HNRNPUL1: variants seen among roughly 807,000 people sequenced by gnomAD.
HNRNPUL1 encodes the protein heterogeneous nuclear ribonucleoprotein U like 1, also known as heterogeneous nuclear ribonucleoprotein U-like protein 1.
HNRNPUL1 carries 14 observed loss-of-function variants against 108.5 expected under a neutral mutation model. The ratio of observed to expected loss-of-function variants is 0.13; its 90% CI spans 0.09 to 0.20. The LOEUF is 0.20. Ranked by LOEUF, HNRNPUL1 falls within the 10% of genes least tolerant of loss-of-function variation. The pLI, the probability that HNRNPUL1 is intolerant of heterozygous loss-of-function variation, is 1.00. For missense variants in HNRNPUL1, 804 were observed against 1,168.3 expected, an observed-to-expected ratio of 0.69 and a Z score of 4.55; for synonymous variants, 422 against 445.2, an observed-to-expected ratio of 0.95 and a Z score of 0.66.
chr19:41,271,927 G>C (rs763686567), intron 2 of HNRNPUL1, among the ~76,000 whole-genome samples, 155 bp from the exon 3 acceptor site: 2 of 152,170 alleles, frequency 1.3e-5, no homozygotes, highest in Non-Finnish European at 2.9e-5. Flanking sequence ...GGCTGGCTCA[G>C]CAGGCTTCTG....
At chr19:41,286,124 A>G (rs2036209716) in intron 7 of HNRNPUL1, among the ~76,000 whole-genome samples, 1 of 152,130 alleles carries the variant, frequency 6.6e-6, no homozygotes, top group South Asian at 2.1e-4. Context: ...TAAACAGTCA[A>G]TTAACACATA....
At chr19:41,271,381 G>C (rs745507910) in intron 2 of HNRNPUL1, among the ~76,000 whole-genome samples, 7 of 152,204 alleles carry the variant, frequency 4.6e-5, no homozygotes, top group Non-Finnish European at 8.8e-5. Context: ...CTTCAGGATG[G>C]CTGAGCACCA....
At chr19:41,286,045 C>T (rs542577999) in intron 7 of HNRNPUL1, among the ~76,000 whole-genome samples, 22 of 151,854 alleles carry the variant, frequency 1.4e-4, no homozygotes, top group African/African-American at 3.6e-4. Context: ...TGGTGGCACA[C>T]GCCTGTGGTC....
chr19:41,266,290 G>A (rs1188160447), intron 1 of HNRNPUL1, among the ~76,000 whole-genome samples: 1 of 151,930 alleles, frequency 6.6e-6, no homozygotes, highest in African/African-American at 2.4e-5. Context: ...AATATTAACC[G>A]GATCTGGTGG....
chr19:41,290,855 G>A (rs1449070013), intron 7 of HNRNPUL1, among the ~76,000 whole-genome samples: 3 of 152,218 alleles, frequency 2.0e-5, no homozygotes, highest in Admixed American at 6.5e-5. Context: ...TCAGGAGTTC[G>A]AGACCAGCCT....
intron 13 of HNRNPUL1, among the ~76,000 whole-genome samples, chr19:41,304,533 A>G (rs2037432564): frequency 1.3e-5 from 2 of 152,180 alleles, no homozygotes; most frequent in Non-Finnish European, 2.9e-5. Context: ...GGCTGTAAGC[A>G]CTGATCCCTC....
rs752366683 is a variant in HNRNPUL1 at position 41,294,691 on chromosome 19, T to G, written c.1518+5T>G. On this transcript the variant is annotated splice_donor_5th_base_variant and intron_variant, in intron 10 of 14. Coordinates refer to ENST00000392006, the MANE Select transcript of HNRNPUL1 (RefSeq NM_007040.6). This position sits in a 1 kb window ranked among gnomAD's most constrained non-coding sequence, Gnocchi z 4.3. ...CGCAACTATATCCTAGATCAGGTAC[T>G]TAATGATGACCATTGTGTCCTCAGG... 6.2e-7 allele frequency: 1 copy of G among 1,614,102 alleles called. No homozygotes were observed. The highest frequency in any genetic ancestry group is 8.5e-7 in the Non-Finnish European group (1 of 1,180,006).
intron 3 of HNRNPUL1, 29 bp from the exon 4 acceptor site, chr19:41,273,953 G>T (rs567150808): frequency 1.9e-6 from 3 of 1,570,912 alleles, no homozygotes; most frequent in Non-Finnish European, 2.6e-6. Flanking sequence ...CATTGTTCTT[G>T]TATGACTTAA....
At chr19:41,305,092 C>G (rs539365821) in intron 13 of HNRNPUL1, among the ~76,000 whole-genome samples, 1 of 152,182 alleles carries the variant, frequency 6.6e-6, no homozygotes, top group Non-Finnish European at 1.5e-5. Context: ...CTAGGCAGAC[C>G]TGGGGTCAAG....
intron 8 of HNRNPUL1, among the ~76,000 whole-genome samples, chr19:41,293,543 C>T (rs148492150): frequency 6.6e-6 from 1 of 152,220 alleles, no homozygotes; most frequent in Non-Finnish European, 1.5e-5. Flanking sequence ...TTACCAAATT[C>T]TAAATGTACT....
intron 7 of HNRNPUL1, among the ~76,000 whole-genome samples, chr19:41,289,577 G>A (rs965094406): frequency 6.6e-6 from 1 of 152,132 alleles, no homozygotes; most frequent in Non-Finnish European, 1.5e-5. Context: ...TTGCCTTTTG[G>A]ACAGATGGCT....
At chr19:41,287,708 C>T (rs991326238) in intron 7 of HNRNPUL1, among the ~76,000 whole-genome samples, 4 of 151,698 alleles carry the variant, frequency 2.6e-5, no homozygotes, top group Admixed American at 6.6e-5. Flanking sequence ...TACAGGTACG[C>T]GCCACCACAC....
At chr19:41,275,905 C>G (rs1283828107) in intron 4 of HNRNPUL1, among the ~76,000 whole-genome samples, 1 of 152,132 alleles carries the variant, frequency 6.6e-6, no homozygotes, top group Non-Finnish European at 1.5e-5. Flanking sequence ...GAGTTCGAGA[C>G]CAGCCTGGCC....
chr19:41,264,211 T>A (rs963047434), upstream of HNRNPUL1: 5 of 318,052 alleles, frequency 1.6e-5, no homozygotes, highest in African/African-American at 2.1e-5. Context: ...CAACGCTTCC[T>A]CCCCAGTAGC....
intron 12 of HNRNPUL1, 76 bp downstream of exon 12, chr19:41,303,025 A>G: frequency 6.9e-7 from 1 of 1,448,562 alleles, no homozygotes; most frequent in Non-Finnish European, 9.2e-7. Context: ...TTATTCAATC[A>G]GCAACTGAAG....
intron 7 of HNRNPUL1, among the ~76,000 whole-genome samples, chr19:41,290,231 G>A (rs773579480): frequency 4.2e-4 from 64 of 152,260 alleles, no homozygotes; most frequent in Non-Finnish European, 5.1e-4. Context: ...TTTTGCTTCA[G>A]TCTGCTATCT....
At chr19:41,277,045 C>T (rs939849703) in intron 5 of HNRNPUL1, among the ~76,000 whole-genome samples, 2 of 147,454 alleles carry the variant, frequency 1.4e-5, no homozygotes, top group African/African-American at 2.6e-5. Flanking sequence ...TGCAGTGAGC[C>T]GAGATCACGC....
intron 1 of HNRNPUL1, among the ~76,000 whole-genome samples, chr19:41,267,783 G>T (rs537956389): frequency 6.6e-6 from 1 of 152,202 alleles, no homozygotes; most frequent in Non-Finnish European, 1.5e-5. Context: ...TCTGGGTTTG[G>T]CTGCAAGGTT....
At position 41,307,236 on chromosome 19, in the gene HNRNPUL1, C is replaced by G. The variant is rs539330044; in HGVS notation, c.*671C>G. ...GCCACAAAACAAAACACAACAAAAC[C>G]AAACCACAGAATCATCTTTAACCCA... On this transcript the variant is annotated 3_prime_UTR_variant, in exon 15 of 15. Coordinates refer to ENST00000392006, the MANE Select transcript of HNRNPUL1 (RefSeq NM_007040.6). 1.6e-4 allele frequency: 24 copies of G among 152,638 alleles called. No individual in the cohort carries two copies. Among genetic ancestry groups the G allele is most frequent in the African/African-American group, 5.5e-4 (23 of 41,526 alleles). 9.5% of individuals were successfully genotyped at this position (152,638 alleles called of 1,614,324 possible). A position where few individuals can be genotyped will look rare whatever the true frequency, so the allele number is the denominator to read the frequency against.
Sources: allele counts gnomAD v4.1 joint callset (sites outside exome capture counted in the v4.1 genomes callset), GRCh38; gene constraint gnomAD v4.1.1; non-coding constraint Gnocchi (gnomAD v3.1); transcripts MANE v1.5; gene names NCBI Gene and HGNC (gene_info 2026-07-23, HGNC 2026-07-21).